IPO7: variants seen among roughly 807,000 people sequenced by gnomAD.
IPO7 encodes the protein importin 7, also known as importin-7.
In IPO7, 13 loss-of-function variants were observed where a neutral mutation model predicts 136.4. The observed-to-expected ratio is 0.10, with a 90% CI of 0.06 to 0.15. IPO7 has a LOEUF of 0.15. IPO7 is among the 10% of genes least tolerant of loss of function. The pLI, the probability that IPO7 is intolerant of heterozygous loss-of-function variation, is 1.00. For synonymous variants in IPO7, 403 were observed against 404.4 expected, an observed-to-expected ratio of 1.00 and a Z score of 0.04; for missense variants, 857 against 1,240.6, an observed-to-expected ratio of 0.69 and a Z score of 4.65.
Position 9,428,560 on chromosome 11 carries a change from G to A in IPO7, c.1356G>A (p.Gln452=), listed in dbSNP as rs780924767. ...ILLKKKIYKD[Q]MEYMLQNHVF... is the part of the protein sequence containing the mutation. The stretch of plus-strand genomic sequence containing the variant: ...TACAGAAAAAGATCTATAAAGATCA[G>A]ATGGAATACATGTTGCAGAATCATG... The change falls in exon 13 of 25, where the codon CAG becomes CAA. Residue 452 remains glutamine, a synonymous_variant. Transcript: ENST00000379719. The A allele has an allele frequency of 7.9e-6, 12 of 1,525,602 alleles. No homozygotes were observed. In the Admixed American group the frequency reaches 1.3e-4, roughly 16 times the overall value. The allele number at this position is 1,525,602 out of a possible 1,614,324, so 94.5% of individuals were successfully genotyped here.
intron 24 of IPO7, among the ~76,000 whole-genome samples, chr11:9,442,884 A>G (rs1233199786): frequency 1.3e-5 from 2 of 152,108 alleles, no homozygotes; most frequent in African/African-American, 4.8e-5. Flanking sequence ...CTAGCCAGGC[A>G]TGGTGGCACA....
At chr11:9,438,046 T>TTTG in intron 21 of IPO7, 34 bp from the exon 22 acceptor site, 1 of 125,928 alleles carries the variant, frequency 7.9e-6, no homozygotes, top group Non-Finnish European at 9.9e-6. Flanking sequence ...AAGAAAACAG[T>TTTG]TTTTTTTTTT....
At chr11:9,408,669 G>T in intron 3 of IPO7, 30 bp downstream of exon 3, 3 of 1,335,542 alleles carry the variant, frequency 2.2e-6, no homozygotes, top group South Asian at 1.8e-5. Context: ...ACCCATTTCT[G>T]CAGGTGTGTA....
intron 1 of IPO7, among the ~76,000 whole-genome samples, chr11:9,389,881 C>A (rs959172290): frequency 6.6e-6 from 1 of 151,988 alleles, no homozygotes; most frequent in Non-Finnish European, 1.5e-5. Flanking sequence ...CTCAGCCTCC[C>A]GAGTAGCTGG....
rs906260208 is a variant in IPO7 at position 9,447,269 on chromosome 11, T to C, written c.*2075T>C. 3 of 152,234 alleles carry C rather than the reference T, an allele frequency of 2.0e-5. No homozygotes were observed. The highest frequency in any genetic ancestry group is 4.4e-5 in the Non-Finnish European group (3 of 68,036). 9.4% of individuals were successfully genotyped at this position (152,234 alleles called of 1,614,324 possible). A position where few individuals can be genotyped will look rare whatever the true frequency, so the allele number is the denominator to read the frequency against. On this transcript the variant is annotated 3_prime_UTR_variant, in exon 25 of 25. Transcript: ENST00000379719. Reference sequence around the variant, plus strand: ...GCACAGTATGAAAATTCTCATTTGCTGAGGTTTTGTTTCAAGAAAATGTAT... The same window carrying C: ...GCACAGTATGAAAATTCTCATTTGCCGAGGTTTTGTTTCAAGAAAATGTAT...
At position 9,406,395 on chromosome 11, in the gene IPO7, C is replaced by G. The variant is rs1447571466; in HGVS notation, c.167-2091C>G. Reference sequence around the variant, plus strand: ...TTTAGATAAGAGTCTGCCTTTAAATCCAAATTTTTACTAAGAAGTTAAGTG... The same window carrying G: ...TTTAGATAAGAGTCTGCCTTTAAATGCAAATTTTTACTAAGAAGTTAAGTG... On this transcript the variant is annotated intron_variant, in intron 2 of 24. Coordinates refer to ENST00000379719, the MANE Select transcript of IPO7 (RefSeq NM_006391.3). Among the ~76,000 whole-genome samples the G allele has an allele frequency of 2.0e-5, 3 of 151,816 alleles. 1 individual carries two copies. The highest frequency in any genetic ancestry group is 7.3e-5 in the African/African-American group (3 of 41,332).
chr11:9,392,311 G>T, intron 1 of IPO7: 1 of 307,292 alleles, frequency 3.3e-6, no homozygotes, highest in Non-Finnish European at 6.4e-6. Context: ...TTGAGTAGCT[G>T]GGATTACAGG....
At position 9,437,853 on chromosome 11, in the gene IPO7, T is replaced by G; in HGVS notation, c.2368T>G (p.Leu790Val). 6.2e-7 allele frequency: 1 copy of G among 1,613,832 alleles called. No individual in the cohort carries two copies. The highest frequency in any genetic ancestry group is 8.5e-7 in the Non-Finnish European group (1 of 1,179,738). ...GTGTCTGCAAGTTGCAATTGCAGCT[T>G]TGTATTATAATCCACACCTACTACT... ...TMCLQVAIAA[L>V]YYNPHLLLNT... Residue 790 changes from leucine (L) to valine (V), a missense_variant, in exon 21 of 25, where the codon TTG (leucine) becomes GTG (valine). By Grantham distance (32) the Leu-to-Val change is conservative (BLOSUM62 1). Transcript: ENST00000379719.
At chr11:9,440,850 C>T (rs933770551) in intron 23 of IPO7, among the ~76,000 whole-genome samples, 189 bp downstream of exon 23, 4 of 152,160 alleles carry the variant, frequency 2.6e-5, no homozygotes, top group African/African-American at 9.7e-5. Flanking sequence ...TGTTATTTTA[C>T]ATTTAGATTG....
intron 1 of IPO7, among the ~76,000 whole-genome samples, chr11:9,391,082 C>A (rs1854626361): frequency 6.6e-6 from 1 of 152,032 alleles, no homozygotes; most frequent in Non-Finnish European, 1.5e-5. Context: ...TAAATGATTT[C>A]TAATAAAAAA....
chr11:9,415,532 A>T (rs2133743016), intron 5 of IPO7, among the ~76,000 whole-genome samples: 1 of 152,258 alleles, frequency 6.6e-6, no homozygotes, highest in South Asian at 2.1e-4. Context: ...CTAGGATAAA[A>T]GATACCCACT....
intron 5 of IPO7, among the ~76,000 whole-genome samples, chr11:9,414,845 C>T (rs997024975): frequency 6.6e-5 from 10 of 151,580 alleles, no homozygotes; most frequent in Non-Finnish European, 1.3e-4. Flanking sequence ...ATGCTGGTCT[C>T]GAACTCCTGA....
chr11:9,413,131 G>A (rs890264479), intron 4 of IPO7, among the ~76,000 whole-genome samples: 1 of 152,060 alleles, frequency 6.6e-6, no homozygotes, highest in African/African-American at 2.4e-5. Context: ...TCCCGCCTCG[G>A]CCTCCCAAAG....
rs1424549791 is a variant in IPO7, at chr11:9,436,161, C to T, written c.2173-110C>T. 5 of 654,218 alleles carry T rather than the reference C, an allele frequency of 7.6e-6. 1 individual carries two copies. The highest frequency in any genetic ancestry group is 1.4e-5 in the Non-Finnish European group (5 of 368,060). 40.5% of individuals were successfully genotyped at this position (654,218 alleles called of 1,614,324 possible). ...GCAGTTATTCATATTAATTAGGGTA[C>T]CTCAAGTAATACTCAGAGCCTGTAC... On this transcript the variant is annotated intron_variant, in intron 19 of 24. Transcript: ENST00000379719.
chr11:9,406,139 G>T (rs1390753861), intron 2 of IPO7, among the ~76,000 whole-genome samples: 3 of 103,826 alleles, frequency 2.9e-5, no homozygotes, highest in Non-Finnish European at 5.5e-5. Context: ...TTTTAGTAGA[G>T]ACGGGGTCTC....
chr11:9,409,889 G>C, intron 3 of IPO7, 39 bp from the exon 4 acceptor site: 1 of 1,457,202 alleles, frequency 6.9e-7, no homozygotes, highest in Non-Finnish European at 9.1e-7. Flanking sequence ...ATCTTACCTA[G>C]TTAGGATTTT....
chr11:9,399,275 G>C (rs759911670), intron 1 of IPO7, among the ~76,000 whole-genome samples: 22 of 151,328 alleles, frequency 1.5e-4, no homozygotes, highest in Non-Finnish European at 2.2e-4. Flanking sequence ...CGATTCTCCT[G>C]CCTCAGACTC....
intron 1 of IPO7, among the ~76,000 whole-genome samples, chr11:9,401,172 A>C (rs1406553558): frequency 8.6e-5 from 13 of 151,726 alleles, no homozygotes; most frequent in Admixed American, 6.6e-4. Context: ...GAAGAGTGAA[A>C]TTCTGTCTCA....
chr11:9,438,292 G>A lies in IPO7; in HGVS notation c.2695+7G>A, dbSNP rs762252089. ...GAAGATGATGATGAAACCGGTAAGGGATTTTCAATGGAAGAAGACAAAACT... is the reference window on the plus strand; with the variant it reads ...GAAGATGATGATGAAACCGGTAAGGAATTTTCAATGGAAGAAGACAAAACT... On this transcript the variant is annotated splice_region_variant and intron_variant, in intron 22 of 24. Transcript: ENST00000379719. The A allele has an allele frequency of 8.2e-6, 12 of 1,472,098 alleles. No homozygotes were observed. Among genetic ancestry groups the A allele is most frequent in the South Asian group, 2.3e-5 (2 of 88,492 alleles). The allele number at this position is 1,472,098 out of a possible 1,614,324, so 91.2% of individuals were successfully genotyped here. A position where few individuals can be genotyped will look rare whatever the true frequency, so the allele number is the denominator to read the frequency against.
Sources: gnomAD v4.1 joint callset for allele counts (sites outside exome capture counted in the v4.1 genomes callset) on GRCh38, gnomAD v4.1.1 for gene constraint, MANE v1.5 for transcripts, NCBI Gene and HGNC (gene_info 2026-07-23, HGNC 2026-07-21) for gene names.